The following WDPCP variants were observed in gnomAD, a reference collection of about 807,000 sequenced individuals.
WDPCP encodes the protein WD repeat-containing and planar cell polarity effector protein fritz homolog.
A neutral mutation model predicts 93.1 loss-of-function variants in WDPCP; 71 were observed. The observed-to-expected ratio is 0.76, with a 90% CI of 0.63 to 0.93. The LOEUF (loss-of-function observed/expected upper bound fraction) is 0.93. Ranked by LOEUF, WDPCP falls within the 40% of genes least tolerant of loss-of-function variation. The pLI, the probability that WDPCP is intolerant of heterozygous loss-of-function variation, is 0.00. For missense variants in WDPCP, 844 were observed against 887.4 expected (o/e 0.95, Z 0.62); for synonymous variants, 315 against 315.0 (o/e 1.00, Z 0.00).
chr2:63,798,972 A>G (rs1670657226), intron 2 of WDPCP, among the ~76,000 whole-genome samples: 4 of 152,162 alleles, frequency 2.6e-5, no homozygotes, highest in African/African-American at 9.7e-5. Flanking sequence ...ACTTATTTTG[A>G]ATTTTGGTAG....
At chr2:63,696,214 T>C (rs1351461436) in intron 2 of WDPCP, among the ~76,000 whole-genome samples, 3 of 152,164 alleles carry the variant, frequency 2.0e-5, no homozygotes, top group African/African-American at 7.2e-5. Context: ...GTGGTTTGGT[T>C]GATGACACCT....
At chr2:63,479,981 C>G (rs990859559) in intron 6 of WDPCP, among the ~76,000 whole-genome samples, 1 of 151,900 alleles carries the variant, frequency 6.6e-6, no homozygotes, top group African/African-American at 2.4e-5. Flanking sequence ...CCTTGAAAAC[C>G]CTAAAGACTC....
chr2:63,293,997 AC>A (rs1575077639), intron 13 of WDPCP, among the ~76,000 whole-genome samples: 2 of 152,354 alleles, frequency 1.3e-5, no homozygotes. Flanking sequence ...ATGAATACAA[AC>A]ATCCAAGAAG....
At chr2:63,623,565 C>A (rs946400723) in intron 3 of WDPCP, among the ~76,000 whole-genome samples, 1 of 150,696 alleles carries the variant, frequency 6.6e-6, no homozygotes, top group South Asian at 2.1e-4. Flanking sequence ...GACTTTAAAC[C>A]AACAAAGATC....
chr2:63,310,772 T>C (rs1011846428), intron 13 of WDPCP, among the ~76,000 whole-genome samples: 2 of 151,936 alleles, frequency 1.3e-5, no homozygotes, highest in Admixed American at 6.6e-5. Flanking sequence ...GATAGGAGGA[T>C]TGCTTGAGCC....
chr2:63,450,677 C>T (rs183475018), intron 6 of WDPCP, among the ~76,000 whole-genome samples: 1 of 152,236 alleles, frequency 6.6e-6, no homozygotes, highest in Admixed American at 6.5e-5. Context: ...CAAAACTTCA[C>T]CATAGCCCCC....
chr2:63,595,349 A>C lies in WDPCP; in HGVS notation n.488+55310T>G. On this transcript the variant is annotated intron_variant and non_coding_transcript_variant, in intron 3 of 4. Transcript: ENST00000467687. ...ACATGCATGTACATACCAAATAAAA[A>C]CTATGTGAAAAGACTTTCTTGTGTC... 3 of 924,412 alleles carry C rather than the reference A, an allele frequency of 3.2e-6. No individual in the cohort carries two copies. The South Asian group carries it at 4.0e-5, about 12-fold the overall frequency. 57.3% of individuals were successfully genotyped at this position (924,412 alleles called of 1,614,324 possible).
At chr2:63,642,276 G>C (rs1325821013) in intron 3 of WDPCP, among the ~76,000 whole-genome samples, 2 of 151,916 alleles carry the variant, frequency 1.3e-5, no homozygotes, top group Non-Finnish European at 1.5e-5. Context: ...ATTTTTGCTT[G>C]GGATAGATTT....
chr2:63,176,700 C>G (rs905029739), intron 14 of WDPCP, among the ~76,000 whole-genome samples: 8 of 152,182 alleles, frequency 5.3e-5, no homozygotes, highest in African/African-American at 1.9e-4. Context: ...TGTCTGTTCA[C>G]TTTATTGGTA....
In WDPCP at chr2:63,480,873, A is replaced by C. The variant is rs1042510784; in HGVS notation, c.384+3731T>G. On this transcript the variant is annotated intron_variant, in intron 6 of 17. Transcript: ENST00000272321. Reference sequence around the variant, plus strand: ...CCCAAAAGCAAATGCAATAACAACAAAGATAAATAGCTGGGACCTAATTAA... The same window carrying C: ...CCCAAAAGCAAATGCAATAACAACACAGATAAATAGCTGGGACCTAATTAA... 5.9e-5 allele frequency among the ~76,000 whole-genome samples: 9 copies of C among 152,270 alleles called. No homozygotes were observed. In the East Asian group the frequency reaches 1.7e-3, roughly 29 times the overall value.
chr2:63,300,254 G>A (rs985188897), intron 13 of WDPCP, among the ~76,000 whole-genome samples: 1 of 151,818 alleles, frequency 6.6e-6, no homozygotes, highest in African/African-American at 2.4e-5. Flanking sequence ...AATTTTCCTG[G>A]TGCATGACAA....
chr2:63,706,044 T>C (rs1669146359), intron 2 of WDPCP, among the ~76,000 whole-genome samples: 1 of 152,214 alleles, frequency 6.6e-6, no homozygotes, highest in Non-Finnish European at 1.5e-5. Flanking sequence ...CCCTTTACCA[T>C]TATGTAATGG....
At chr2:63,326,832 A>G (rs1292373606) in intron 12 of WDPCP, among the ~76,000 whole-genome samples, 1 of 152,158 alleles carries the variant, frequency 6.6e-6, no homozygotes, top group African/African-American at 2.4e-5. Context: ...GAAGTAGTAA[A>G]GAAAAAACAG....
chr2:63,608,389 G>GT (rs1243411427), intron 3 of WDPCP, among the ~76,000 whole-genome samples: 8 of 151,932 alleles, frequency 5.3e-5, no homozygotes, highest in African/African-American at 7.3e-5. Flanking sequence ...TAATAGTCTT[G>GT]TTTTTTCCCC....
chr2:63,314,001 C>G (rs1254924056), intron 12 of WDPCP, among the ~76,000 whole-genome samples: 1 of 149,668 alleles, frequency 6.7e-6, no homozygotes, highest in Non-Finnish European at 1.5e-5. Context: ...CCTGCCTCAG[C>G]CTCCCGATAG....
intron 14 of WDPCP, among the ~76,000 whole-genome samples, chr2:63,178,572 T>G (rs1214007648): frequency 6.6e-6 from 1 of 152,156 alleles, no homozygotes; most frequent in African/African-American, 2.4e-5. Context: ...CACTTTTGAT[T>G]TTAGTTATTT....
chr2:63,717,296 T>A (rs139454878), intron 2 of WDPCP: 271 of 541,160 alleles, frequency 5.0e-4, no homozygotes, highest in African/African-American at 4.5e-3. Context: ...CATGGCAAGA[T>A]GGTGGCAGGC....
At chr2:63,441,269 T>G (rs1697484663) in intron 6 of WDPCP, 1 of 152,066 alleles carries the variant, frequency 6.6e-6, no homozygotes, top group African/African-American at 2.4e-5. Flanking sequence ...CCACATACCT[T>G]AATGGCAAAT....
At position 63,771,978 on chromosome 2, in the gene WDPCP, T is replaced by G. The variant is rs117362403; in HGVS notation, n.308+41644A>C. On this transcript the variant is annotated intron_variant and non_coding_transcript_variant, in intron 2 of 4. Transcript: ENST00000467687. Reference sequence around the variant, plus strand: ...GGCACCTGACTTGATTCCATATCTTTGCTATTGTGAATAGTGCTGCGATGA... The same window carrying G: ...GGCACCTGACTTGATTCCATATCTTGGCTATTGTGAATAGTGCTGCGATGA... Among the ~76,000 whole-genome samples the G allele has an allele frequency of 1.9e-3, 291 of 152,186 alleles. 3 individuals carry two copies. In the East Asian group the frequency reaches 0.042, roughly 22 times the overall value.
Sources: allele counts gnomAD v4.1 joint callset (sites outside exome capture counted in the v4.1 genomes callset), GRCh38; gene constraint gnomAD v4.1.1; transcripts MANE v1.5; gene names NCBI Gene and HGNC (gene_info 2026-07-23, HGNC 2026-07-21).